Variants in FANCL observed in about 807,000 individuals in gnomAD.
The protein encoded by FANCL is E3 ubiquitin-protein ligase FANCL.
Under a neutral mutation model 59.4 loss-of-function variants are expected in FANCL, and 69 were observed. The observed-to-expected ratio is 1.16, with a 90% CI of 0.96 to 1.42. The LOEUF (loss-of-function observed/expected upper bound fraction) is 1.42, where lower values mean the gene tolerates loss of function less well. FANCL is among the 40% of genes most tolerant of loss of function. The pLI, the probability that FANCL is intolerant of heterozygous loss-of-function variation, is 0.00. For synonymous variants in FANCL, 180 were observed against 147.1 expected (o/e 1.22, Z -1.62); for missense variants, 519 against 447.2 (o/e 1.16, Z -1.45).
At chr2:58,217,473 T>C (rs1337627094) in intron 5 of FANCL, among the ~76,000 whole-genome samples, 1 of 151,284 alleles carries the variant, frequency 6.6e-6, no homozygotes, top group Non-Finnish European at 1.5e-5. Flanking sequence ...AGAATTTCAA[T>C]ACAGCATTAA....
intron 6 of FANCL, 98 bp from the exon 7 acceptor site, chr2:58,198,760 TGGCTCAC>T: frequency 1.1e-6 from 1 of 902,044 alleles, no homozygotes; most frequent in Admixed American, 1.9e-5. Context: ...CCGGGCGCGG[TGGCTCAC>T]GCCTGTAATC....
At chr2:58,167,504 A>T (rs1686075723) in intron 7 of FANCL, among the ~76,000 whole-genome samples, 2 of 152,222 alleles carry the variant, frequency 1.3e-5, no homozygotes, top group South Asian at 4.1e-4. Context: ...CTGCCAAAAA[A>T]AGAGTTATAA....
intron 7 of FANCL, among the ~76,000 whole-genome samples, chr2:58,183,221 A>C (rs1688094230): frequency 6.6e-6 from 1 of 151,904 alleles, no homozygotes. Context: ...AAAATGAATA[A>C]AGACATAATT....
chr2:58,215,721 A>G (rs1395602837), intron 5 of FANCL, among the ~76,000 whole-genome samples: 2 of 150,206 alleles, frequency 1.3e-5, no homozygotes, highest in Non-Finnish European at 3.0e-5. Context: ...AAAAAAAAGC[A>G]TCATTTCCGC....
chr2:58,203,790 G>A (rs1161150144), intron 6 of FANCL, among the ~76,000 whole-genome samples: 2 of 152,020 alleles, frequency 1.3e-5, no homozygotes, highest in African/African-American at 2.4e-5. Context: ...GATTTTCTCA[G>A]TACAACTTGG....
chr2:58,231,947 T>A (rs1287960841), intron 2 of FANCL, 107 bp downstream of exon 2: 1 of 883,356 alleles, frequency 1.1e-6, no homozygotes, highest in South Asian at 1.4e-5. Context: ...AAATGACTAA[T>A]AAGCATTTTA....
intron 12 of FANCL, among the ~76,000 whole-genome samples, chr2:58,160,696 C>T (rs1685019746): frequency 6.6e-6 from 1 of 151,952 alleles, no homozygotes; most frequent in African/African-American, 2.4e-5. Context: ...TTCATAATTA[C>T]AAAAGAAATC....
At chr2:58,227,271 C>T (rs1287962320) in intron 3 of FANCL, among the ~76,000 whole-genome samples, 2 of 152,190 alleles carry the variant, frequency 1.3e-5, no homozygotes, top group Non-Finnish European at 2.9e-5. Context: ...GTTTAGCCAT[C>T]CATAGGCAGC....
intron 7 of FANCL, among the ~76,000 whole-genome samples, chr2:58,191,922 C>G (rs1490745792): frequency 6.6e-6 from 1 of 151,556 alleles, no homozygotes; most frequent in Non-Finnish European, 1.5e-5. Flanking sequence ...TATTCTTTCT[C>G]TCTTTTTATA....
rs369702659 is a variant in FANCL at position 58,163,110 on chromosome 2, G to A, written c.776-36C>T. 3 of 1,551,230 alleles carry A rather than the reference G, an allele frequency of 1.9e-6. No individual in the cohort carries two copies. In the African/African-American group the frequency reaches 4.1e-5, roughly 21 times the overall value. On this transcript the variant is annotated intron_variant, in intron 9 of 13. Transcript: ENST00000233741. ...AAAAAAAAAAATTTAATAATTGCATGCTCTACTCTTGGTTTCTAAAGCCAC... is the reference window on the plus strand; with the variant it reads ...AAAAAAAAAAATTTAATAATTGCATACTCTACTCTTGGTTTCTAAAGCCAC...
At chr2:58,163,748 TATTTA>T (rs1685559694) in intron 8 of FANCL, among the ~76,000 whole-genome samples, 1 of 152,054 alleles carries the variant, frequency 6.6e-6, no homozygotes, top group Non-Finnish European at 1.5e-5. Flanking sequence ...CAAATTGATA[TATTTA>T]ATTAGATTGC....
intron 5 of FANCL, among the ~76,000 whole-genome samples, chr2:58,216,369 A>T (rs1039852158): frequency 1.3e-5 from 2 of 152,154 alleles, no homozygotes; most frequent in Non-Finnish European, 2.9e-5. Context: ...TTTATGTGCA[A>T]TATCCAACAG....
At chr2:58,212,918 T>A (rs1293488361) in intron 5 of FANCL, among the ~76,000 whole-genome samples, 4 of 152,252 alleles carry the variant, frequency 2.6e-5, no homozygotes, top group African/African-American at 9.6e-5. Flanking sequence ...TATTTCTTTC[T>A]AAGGAAAGAA....
At chr2:58,235,054 A>G (rs974146679) in intron 1 of FANCL, among the ~76,000 whole-genome samples, 1 of 152,026 alleles carries the variant, frequency 6.6e-6, no homozygotes, top group African/African-American at 2.4e-5. Context: ...ATAGGGATGG[A>G]CAAACAAATA....
At position 58,171,613 on chromosome 2, in the gene FANCL, T is replaced by A. The variant is rs148143865; in HGVS notation, c.541-5739A>T. 4.9e-3 allele frequency among the ~76,000 whole-genome samples: 748 copies of A among 151,978 alleles called. 8 individuals are homozygous for A. The highest frequency in any genetic ancestry group is 0.017 in the African/African-American group (710 of 41,484). On this transcript the variant is annotated intron_variant, in intron 7 of 13. Coordinates refer to ENST00000233741, the MANE Select transcript of FANCL (RefSeq NM_018062.4). ...TGGTTTTTTGAAAAGAGTAACAAAA[T>A]AGGGGATTGGAGCCAAGATGGCCGA...
intron 4 of FANCL, among the ~76,000 whole-genome samples, chr2:58,226,276 A>C (rs1178503970): frequency 1.3e-5 from 2 of 152,198 alleles, no homozygotes; most frequent in Non-Finnish European, 2.9e-5. Context: ...TAAACTGAAT[A>C]ATCAAGTATT....
At chr2:58,205,608 C>T (rs1690504729) in intron 5 of FANCL, among the ~76,000 whole-genome samples, 1 of 151,852 alleles carries the variant, frequency 6.6e-6, no homozygotes, top group Admixed American at 6.6e-5. Flanking sequence ...AAAAATGTTT[C>T]AAAGGTATAA....
intron 7 of FANCL, among the ~76,000 whole-genome samples, chr2:58,182,576 T>G (rs758315047): frequency 2.6e-5 from 4 of 151,876 alleles, no homozygotes; most frequent in Non-Finnish European, 5.9e-5. Context: ...AAACCCATTT[T>G]ATACAACTAA....
At chr2:58,180,194 C>T (rs1197341542) in intron 7 of FANCL, among the ~76,000 whole-genome samples, 2 of 152,274 alleles carry the variant, frequency 1.3e-5, no homozygotes, top group Middle Eastern at 3.4e-3. Flanking sequence ...AGCAGAAATA[C>T]TGTTTGATCC....
Sources: allele counts gnomAD v4.1 joint callset (sites outside exome capture counted in the v4.1 genomes callset), GRCh38; gene constraint gnomAD v4.1.1; transcripts MANE v1.5; gene names NCBI Gene and HGNC (gene_info 2026-07-23, HGNC 2026-07-21).